TTC9: variants seen among roughly 807,000 people sequenced by gnomAD.
TTC9 encodes tetratricopeptide repeat domain 9, also known as tetratricopeptide repeat protein 9A.
A neutral mutation model predicts 22.9 loss-of-function variants in TTC9; 13 were observed. The ratio of observed to expected loss-of-function variants is 0.57; its 90% CI spans 0.37 to 0.90. The LOEUF (loss-of-function observed/expected upper bound fraction) is 0.90, where lower values mean the gene tolerates loss of function less well. TTC9 is among the 40% of genes least tolerant of loss of function. The pLI, the probability that TTC9 is intolerant of heterozygous loss-of-function variation, is 0.01. For missense variants in TTC9, 280 were observed against 291.8 expected (o/e 0.96, Z 0.29); for synonymous variants, 148 against 133.2 (o/e 1.11, Z -0.77).
intron 1 of TTC9, among the ~76,000 whole-genome samples, chr14:70,664,107 C>T (rs1290084840): frequency 6.6e-6 from 1 of 152,022 alleles, no homozygotes; most frequent in Non-Finnish European, 1.5e-5. Context: ...GCACCTCTGA[C>T]ACCAGAGAAG....
chr14:70,657,803 T>C (rs1365746875), intron 1 of TTC9, among the ~76,000 whole-genome samples: 1 of 151,986 alleles, frequency 6.6e-6, no homozygotes, highest in Admixed American at 6.6e-5. Flanking sequence ...CCATCTCTAC[T>C]AAAAATACAA....
At chr14:70,656,160 C>G (rs1886062304) in intron 1 of TTC9, among the ~76,000 whole-genome samples, 1 of 151,878 alleles carries the variant, frequency 6.6e-6, no homozygotes, top group Non-Finnish European at 1.5e-5. Flanking sequence ...ATTCTTCACC[C>G]ATACAGAAGG....
intron 1 of TTC9, among the ~76,000 whole-genome samples, chr14:70,659,130 A>ACACG (rs1555362255): frequency 1.8e-5 from 2 of 111,360 alleles, no homozygotes; most frequent in Admixed American, 8.0e-5. Context: ...ACACACACAC[A>ACACG]CGCACACACA....
intron 1 of TTC9, among the ~76,000 whole-genome samples, chr14:70,659,119 AACACACACACACGCACACACACACACAC>A (rs1341840690): frequency 7.4e-6 from 1 of 134,616 alleles, no homozygotes; most frequent in African/African-American, 2.7e-5. Context: ...TATATAACTA[AACACACACACACGCACACACACACACAC>A]ACACACACAC....
chr14:70,661,390 C>T (rs1439055430), intron 1 of TTC9, among the ~76,000 whole-genome samples: 1 of 152,206 alleles, frequency 6.6e-6, no homozygotes, highest in African/African-American at 2.4e-5. Context: ...GGTGCAACCC[C>T]AAACAGTGAG....
chr14:70,642,579 G>A (rs1200546639), intron 1 of TTC9, 44 bp downstream of exon 1: 5 of 1,503,224 alleles, frequency 3.3e-6, no homozygotes, highest in Admixed American at 2.2e-5. Flanking sequence ...CCGTTCTTCG[G>A]CCCGGTCCCT....
intron 1 of TTC9, among the ~76,000 whole-genome samples, chr14:70,660,054 C>T (rs1052223536): frequency 2.0e-5 from 3 of 152,206 alleles, no homozygotes; most frequent in Admixed American, 1.3e-4. Context: ...CCTCTTATTC[C>T]CTTTCTGGGA....
intron 2 of TTC9, among the ~76,000 whole-genome samples, chr14:70,668,025 A>AAT (rs1018853993): frequency 1.1e-4 from 17 of 151,948 alleles, no homozygotes; most frequent in Non-Finnish European, 1.3e-4. Context: ...TTATTCAACA[A>AAT]ATATATATAT....
chr14:70,642,280 GC>G lies in TTC9; in HGVS notation c.153del (p.Glu52SerfsTer26). ...CCAGGTCGGGGCGGCGGCCGAGCCG[GC>G]CGAGCTCATCCGACGAGCGCACGAG... ...RGQVGAAAEP[A>X]ELIRRAHEFK... On this transcript the variant is annotated frameshift_variant, in exon 1 of 3. Coordinates refer to ENST00000256367, the MANE Select transcript of TTC9 (RefSeq NM_015351.2). LOFTEE classifies it high-confidence loss of function. 6.6e-7 allele frequency: 1 copy of G among 1,518,040 alleles called. No individual in the cohort carries two copies. The allele number at this position is 1,518,040 out of a possible 1,614,324, so 94.0% of individuals were successfully genotyped here.
intron 1 of TTC9, among the ~76,000 whole-genome samples, chr14:70,652,305 C>A (rs901917676): frequency 6.6e-6 from 1 of 152,164 alleles, no homozygotes; most frequent in Non-Finnish European, 1.5e-5. Context: ...CCAAGGCAAC[C>A]CTTGCAAATC....
rs547793308 is a variant in TTC9, at chr14:70,667,753, C to A, written c.589+7C>A. ...AGGACCCAACAACCAACAGGTAAGGCGGAAATAGCTGTTTTCTTACTTCCT... is the reference window on the plus strand; with the variant it reads ...AGGACCCAACAACCAACAGGTAAGGAGGAAATAGCTGTTTTCTTACTTCCT... On this transcript the variant is annotated splice_region_variant and intron_variant, in intron 2 of 2. Coordinates refer to ENST00000256367, the MANE Select transcript of TTC9 (RefSeq NM_015351.2). 3 of 1,577,676 alleles carry A rather than the reference C, an allele frequency of 1.9e-6. No individual in the cohort carries two copies. Among genetic ancestry groups the A allele is most frequent in the African/African-American group, 2.7e-5 (2 of 73,730 alleles).
At chr14:70,648,302 T>G (rs1325059684) in intron 1 of TTC9, among the ~76,000 whole-genome samples, 1 of 152,144 alleles carries the variant, frequency 6.6e-6, no homozygotes, top group Non-Finnish European at 1.5e-5. Flanking sequence ...AAGTGAGAAT[T>G]GAAACTTGCA....
rs1886292982 is a variant in TTC9 at position 70,671,383 on chromosome 14, A to G, written c.*228A>G. 2 of 438,490 alleles carry G rather than the reference A, an allele frequency of 4.6e-6. No homozygotes were observed. The highest frequency in any genetic ancestry group is 2.0e-5 in the African/African-American group (1 of 49,896). The allele number at this position is 438,490 out of a possible 1,614,324, so 27.2% of individuals were successfully genotyped here. On this transcript the variant is annotated 3_prime_UTR_variant, in exon 3 of 3. Coordinates refer to ENST00000256367, the MANE Select transcript of TTC9 (RefSeq NM_015351.2). ...CAATGGAGACATCCTCTCCTCTAGC[A>G]GGTCAGCGACTGAGAGGGGCCTGAC...
intron 1 of TTC9, among the ~76,000 whole-genome samples, chr14:70,646,712 TAGG>T (rs557671007): frequency 2.2e-3 from 334 of 152,282 alleles, no homozygotes; most frequent in South Asian, 2.9e-3. Context: ...GAGCTATGTT[TAGG>T]AGATTTTTGT....
At chr14:70,669,911 G>A (rs1886268535) in intron 2 of TTC9, among the ~76,000 whole-genome samples, 1 of 152,188 alleles carries the variant, frequency 6.6e-6, no homozygotes, top group South Asian at 2.1e-4. Flanking sequence ...GTTATGGTGT[G>A]TGTGGAACTT....
At chr14:70,660,626 C>T (rs888437321) in intron 1 of TTC9, among the ~76,000 whole-genome samples, 85 of 152,256 alleles carry the variant, frequency 5.6e-4, no homozygotes, top group African/African-American at 2.0e-3. Context: ...TATAACTCGC[C>T]CTCGGGCCTG....
chr14:70,666,006 G>T (rs181893624), intron 1 of TTC9, among the ~76,000 whole-genome samples: 12 of 152,202 alleles, frequency 7.9e-5, no homozygotes, highest in African/African-American at 2.2e-4. Flanking sequence ...AAGCAGACAG[G>T]TGCCTTTTTC....
chr14:70,664,654 A>AGGAG, intron 1 of TTC9, among the ~76,000 whole-genome samples: 1 of 151,580 alleles, frequency 6.6e-6, no homozygotes, highest in South Asian at 2.1e-4. Context: ...GCTTGAACCC[A>AGGAG]GGAGGCAGAG....
intron 1 of TTC9, among the ~76,000 whole-genome samples, chr14:70,656,506 T>C (rs752306507): frequency 7.2e-5 from 11 of 152,210 alleles, no homozygotes; most frequent in African/African-American, 1.7e-4. Flanking sequence ...GCCTGTTAAT[T>C]ATCCTATCCC....
Sources: allele counts gnomAD v4.1 joint callset (sites outside exome capture counted in the v4.1 genomes callset), GRCh38; gene constraint gnomAD v4.1.1; transcripts MANE v1.5; gene names NCBI Gene and HGNC (gene_info 2026-07-23, HGNC 2026-07-21).